The following SLC4A4 variants were observed in gnomAD, a reference collection of about 807,000 sequenced individuals.
The protein encoded by SLC4A4 is solute carrier family 4 member 4, also known as electrogenic sodium bicarbonate cotransporter 1.
In SLC4A4, 27 loss-of-function variants were observed where a neutral mutation model predicts 111.5. That is an observed-to-expected ratio of 0.24 (90% CI 0.18 to 0.33). The LOEUF (loss-of-function observed/expected upper bound fraction) is 0.33. Among genes scored for constraint, SLC4A4 ranks in the 10% least tolerant of loss-of-function variants. The pLI is 1.00. For synonymous variants in SLC4A4, 443 were observed against 463.4 expected, an observed-to-expected ratio of 0.96 and a Z score of 0.57; for missense variants, 909 against 1,315.5, an observed-to-expected ratio of 0.69 and a Z score of 4.78.
intron 15 of SLC4A4, among the ~76,000 whole-genome samples, chr4:71,495,487 T>C (rs73828183): frequency 0.012 from 1,806 of 152,214 alleles, 40 homozygotes; most frequent in African/African-American, 0.04. Flanking sequence ...AAGCAGAGTT[T>C]GATAAAAGCA....
chr4:71,199,984 G>C (rs941872141), intron 1 of SLC4A4, among the ~76,000 whole-genome samples: 3 of 152,110 alleles, frequency 2.0e-5, no homozygotes, highest in African/African-American at 7.2e-5. Context: ...AGAACAGCAG[G>C]AAAAAGCAGG....
rs79367646 is a variant in SLC4A4 at position 71,303,968 on chromosome 4, T to C, written c.254-35402T>C. 7.1e-3 allele frequency among the ~76,000 whole-genome samples: 1,075 copies of C among 152,304 alleles called. 18 individuals carry two copies. The highest frequency in any genetic ancestry group is 0.025 in the African/African-American group (1,031 of 41,570). The stretch of plus-strand genomic sequence containing the variant: ...AGGCCTATTCCTATGCATTGTCTTA[T>C]TTAATCCCCATAACAATTACTTGAA... On this transcript the variant is annotated intron_variant, in intron 3 of 25. Coordinates refer to ENST00000264485, the MANE Select transcript of SLC4A4 (RefSeq NM_001098484.3).
At chr4:71,386,666 T>C (rs1429393649) in intron 6 of SLC4A4, among the ~76,000 whole-genome samples, 6 of 152,146 alleles carry the variant, frequency 3.9e-5, no homozygotes, top group African/African-American at 1.2e-4. Context: ...ATCTTTTCCT[T>C]GTTCTATTTT....
chr4:71,566,504 G>A lies in SLC4A4; in HGVS notation c.3197-500G>A, dbSNP rs1737483623. ...TAAATTGCAAGTTGATATGATATTA[G>A]AAGTTTACTTAAACAAAATACACTT... On this transcript the variant is annotated intron_variant, in intron 24 of 25. Transcript: ENST00000264485. Among the ~76,000 whole-genome samples, 2 of 151,684 alleles carry A rather than the reference G, an allele frequency of 1.3e-5. 1 individual carries two copies. Among genetic ancestry groups the A allele is most frequent in the African/African-American group, 4.8e-5 (2 of 41,344 alleles).
Position 71,567,985 on chromosome 4 carries a change from A to T in SLC4A4, c.*234A>T. The T allele has an allele frequency of 2.5e-6, 2 of 810,010 alleles. No individual in the cohort carries two copies. The highest frequency in any genetic ancestry group is 3.2e-5 in the South Asian group (2 of 61,792). The allele number at this position is 810,010 out of a possible 1,614,324, so 50.2% of individuals were successfully genotyped here. A position where few individuals can be genotyped will look rare whatever the true frequency, so the allele number is the denominator to read the frequency against. On this transcript the variant is annotated 3_prime_UTR_variant, in exon 26 of 26. Coordinates refer to ENST00000264485, the MANE Select transcript of SLC4A4 (RefSeq NM_001098484.3). ...TATTTTTTAACTTTTATTTCGTCTC[A>T]GTTTTTGGTCACAGGCCAAATAATA... is the stretch of plus-strand genomic sequence containing the variant.
intron 2 of SLC4A4, among the ~76,000 whole-genome samples, chr4:71,167,891 A>G (rs1744824788): frequency 6.6e-6 from 1 of 151,860 alleles, no homozygotes; most frequent in Admixed American, 6.6e-5. Context: ...TTTCAAATTT[A>G]TTCACTTCTC....
intron 1 of SLC4A4, among the ~76,000 whole-genome samples, chr4:71,188,598 G>A (rs1441782472): frequency 6.6e-6 from 1 of 151,642 alleles, no homozygotes; most frequent in African/African-American, 2.4e-5. Flanking sequence ...GGGACTTGGA[G>A]TTGTAATACT....
rs1005001525 is a variant in SLC4A4 at position 71,246,615 on chromosome 4, A to G, written c.74-8605A>G. The stretch of plus-strand genomic sequence containing the variant: ...GTCATATTTTGGAGCAGTTTATGGA[A>G]CTAAGGGTGGTGGATTTCAATTTGT... On this transcript the variant is annotated intron_variant, in intron 2 of 25. Transcript: ENST00000264485. 2.6e-5 allele frequency among the ~76,000 whole-genome samples: 4 copies of G among 152,288 alleles called. No individual in the cohort carries two copies. The East Asian group carries it at 7.7e-4, about 29-fold the overall frequency.
intron 2 of SLC4A4, among the ~76,000 whole-genome samples, chr4:71,136,626 T>C (rs914701448): frequency 6.6e-6 from 1 of 152,190 alleles, no homozygotes; most frequent in Non-Finnish European, 1.5e-5. Context: ...GACGAACTGA[T>C]TTGAGATAGC....
intron 2 of SLC4A4, 68 bp downstream of exon 2, chr4:71,236,717 G>T: frequency 7.9e-7 from 1 of 1,267,230 alleles, no homozygotes; most frequent in Non-Finnish European, 1.2e-6. Context: ...TAACATTCAT[G>T]CATTTCATAT....
At chr4:71,252,176 A>G (rs1422783188) in intron 2 of SLC4A4, among the ~76,000 whole-genome samples, 1 of 152,198 alleles carries the variant, frequency 6.6e-6, no homozygotes, top group African/African-American at 2.4e-5. Flanking sequence ...TGATGCTTCT[A>G]TTGATCATGA....
chr4:71,218,149 A>G (rs1718542424), intron 1 of SLC4A4, among the ~76,000 whole-genome samples: 1 of 152,228 alleles, frequency 6.6e-6, no homozygotes, highest in East Asian at 1.9e-4. Flanking sequence ...CATGATACTG[A>G]ACAGCTCTTT....
chr4:71,154,470 A>G (rs1310900274), intron 2 of SLC4A4, among the ~76,000 whole-genome samples: 1 of 152,148 alleles, frequency 6.6e-6, no homozygotes, highest in African/African-American at 2.4e-5. Context: ...AGGAAGGAAG[A>G]AAGAAGATGC....
intron 6 of SLC4A4, among the ~76,000 whole-genome samples, chr4:71,363,726 A>G (rs1731004226): frequency 6.6e-6 from 1 of 152,184 alleles, no homozygotes; most frequent in South Asian, 2.1e-4. Context: ...GCAACAGCAT[A>G]CATCCACCTG....
intron 20 of SLC4A4, among the ~76,000 whole-genome samples, chr4:71,548,344 G>C (rs551550278): frequency 6.6e-6 from 1 of 151,858 alleles, no homozygotes; most frequent in Non-Finnish European, 1.5e-5. Flanking sequence ...AGAAAATTAG[G>C]GGTCAATATA....
At chr4:71,175,560 C>A (rs1293352500) in intron 2 of SLC4A4, among the ~76,000 whole-genome samples, 1 of 152,240 alleles carries the variant, frequency 6.6e-6, no homozygotes, top group African/African-American at 2.4e-5. Context: ...GGGTCCTACG[C>A]CCATGGAGCC....
At chr4:71,513,046 C>T (rs575597754) in intron 16 of SLC4A4, among the ~76,000 whole-genome samples, 14 of 152,192 alleles carry the variant, frequency 9.2e-5, no homozygotes, top group African/African-American at 3.4e-4. Flanking sequence ...TGTAATATAT[C>T]TTGAAGTCAG....
Position 71,271,111 on chromosome 4 carries a change from A to G in SLC4A4, c.253+15712A>G, listed in dbSNP as rs142472283. 2.4e-3 allele frequency among the ~76,000 whole-genome samples: 372 copies of G among 152,278 alleles called. 2 individuals are homozygous for G. The highest frequency in any genetic ancestry group is 8.2e-3 in the African/African-American group (342 of 41,556). On this transcript the variant is annotated intron_variant, in intron 3 of 25. Coordinates refer to ENST00000264485, the MANE Select transcript of SLC4A4 (RefSeq NM_001098484.3). ...CAGTGCTGCACCATAGATTATGTCTATGTGGACACCTTCACTTGTTTAAAT... is the reference window on the plus strand; with the variant it reads ...CAGTGCTGCACCATAGATTATGTCTGTGTGGACACCTTCACTTGTTTAAAT...
intron 1 of SLC4A4, among the ~76,000 whole-genome samples, chr4:71,069,366 CAAAAAACA>C (rs1741610538): frequency 6.6e-6 from 1 of 151,922 alleles, no homozygotes; most frequent in Non-Finnish European, 1.5e-5. Context: ...CAAAAAAAAC[CAAAAAACA>C]GAAAAACAAA....
Sources: allele counts gnomAD v4.1 joint callset (sites outside exome capture counted in the v4.1 genomes callset), GRCh38; gene constraint gnomAD v4.1.1; transcripts MANE v1.5; gene names NCBI Gene and HGNC (gene_info 2026-07-23, HGNC 2026-07-21).